STX18: variants seen among roughly 807,000 people sequenced by gnomAD.
The protein encoded by STX18 is syntaxin-18.
A neutral mutation model predicts 50.1 loss-of-function variants in STX18; 40 were observed. The observed-to-expected ratio is 0.80, with a 90% CI of 0.62 to 1.04. The LOEUF is 1.04. Among genes scored for constraint, STX18 ranks in the 50% least tolerant of loss-of-function variants. The probability of loss-of-function intolerance (pLI) is 0.00; values close to 1 mark genes in which losing one functional copy is unlikely to be tolerated. For synonymous variants in STX18, 158 were observed against 151.8 expected (o/e 1.04, Z -0.30); for missense variants, 410 against 415.8 (o/e 0.99, Z 0.12).
At chr4:4,538,921 C>T (rs1899267) in intron 1 of STX18, among the ~76,000 whole-genome samples, 16,087 of 152,130 alleles carry the variant, frequency 0.11, 1,670 homozygotes, top group African/African-American at 0.27. Flanking sequence ...CCCAAATAAT[C>T]TGAAAAGTCG....
At chr4:4,531,894 C>G (rs964830414) in intron 1 of STX18, among the ~76,000 whole-genome samples, 1 of 152,070 alleles carries the variant, frequency 6.6e-6, no homozygotes, top group African/African-American at 2.4e-5. Flanking sequence ...TTTTAAGAGG[C>G]TATGATAAAT....
chr4:4,429,318 A>G (rs1194271129), intron 7 of STX18, among the ~76,000 whole-genome samples: 2 of 152,254 alleles, frequency 1.3e-5, no homozygotes, highest in African/African-American at 4.8e-5. Context: ...AAGCCCTGCT[A>G]AAAGGTTTCT....
At chr4:4,500,236 A>G (rs919695704) in intron 1 of STX18, among the ~76,000 whole-genome samples, 2 of 152,216 alleles carry the variant, frequency 1.3e-5, no homozygotes, top group African/African-American at 4.8e-5. Flanking sequence ...TATCACTGTA[A>G]TAATATATGC....
At chr4:4,424,569 G>A (rs1194047657) in intron 8 of STX18, among the ~76,000 whole-genome samples, 2 of 152,300 alleles carry the variant, frequency 1.3e-5, no homozygotes, top group African/African-American at 4.8e-5. Context: ...AAGTCCTCAG[G>A]CTGTGTGAGT....
intron 1 of STX18, among the ~76,000 whole-genome samples, chr4:4,472,353 A>G (rs1331725094): frequency 1.3e-5 from 2 of 152,250 alleles, no homozygotes; most frequent in African/African-American, 4.8e-5. Context: ...TCACAAATAA[A>G]TAAAAAGTGG....
At chr4:4,437,514 A>C (rs1028563108) in intron 6 of STX18, 1 of 736,672 alleles carries the variant, frequency 1.4e-6, no homozygotes, top group South Asian at 6.2e-5. Flanking sequence ...ATATGCAAAA[A>C]TTTGAAAAAA....
At chr4:4,474,982 G>GT (rs1207086298) in intron 1 of STX18, among the ~76,000 whole-genome samples, 1 of 152,182 alleles carries the variant, frequency 6.6e-6, no homozygotes, top group African/African-American at 2.4e-5. Flanking sequence ...CACAACAGGT[G>GT]TTTTTTTAGA....
intron 1 of STX18, chr4:4,478,760 CTCT>C (rs1728318123): frequency 6.6e-6 from 1 of 152,342 alleles, no homozygotes; most frequent in Non-Finnish European, 1.5e-5. Flanking sequence ...CCTTTACTCA[CTCT>C]TCTTAGAGGG....
chr4:4,425,223 C>G lies in STX18; in HGVS notation c.703-1G>C. 6.2e-7 allele frequency: 1 copy of G among 1,613,936 alleles called. No homozygotes were observed. The highest frequency in any genetic ancestry group is 8.5e-7 in the Non-Finnish European group (1 of 1,179,814). The stretch of plus-strand genomic sequence containing the variant: ...TTAGTCGCTGATTTTCCTGTTCAAA[C>G]TGTGAGGAAACAGACACACTCAGGA... On this transcript the variant is annotated splice_acceptor_variant, in intron 7 of 10. Coordinates refer to ENST00000306200, the MANE Select transcript of STX18 (RefSeq NM_016930.4). LOFTEE classifies it high-confidence loss of function.
At chr4:4,442,938 CT>C (rs1483774628) in intron 5 of STX18, among the ~76,000 whole-genome samples, 1 of 152,096 alleles carries the variant, frequency 6.6e-6, no homozygotes, top group African/African-American at 2.4e-5. Flanking sequence ...CTCAATCTTC[CT>C]CATAAGAAGA....
rs184763011 is a variant in STX18, at chr4:4,510,821, C to T, written c.168+30976G>A. Among the ~76,000 whole-genome samples the T allele has an allele frequency of 1.9e-3, 285 of 152,178 alleles. 2 individuals carry two copies. The highest frequency in any genetic ancestry group is 6.3e-3 in the African/African-American group (261 of 41,496). On this transcript the variant is annotated intron_variant, in intron 1 of 10. Coordinates refer to ENST00000306200, the MANE Select transcript of STX18 (RefSeq NM_016930.4). ...ATATACACCGTGGAATACTATGCAA[C>T]CATAAAAAAGAATGAGATCACGTCC...
At chr4:4,431,612 G>T (rs1274567578) in intron 7 of STX18, among the ~76,000 whole-genome samples, 11 of 151,974 alleles carry the variant, frequency 7.2e-5, no homozygotes, top group African/African-American at 2.7e-4. Flanking sequence ...TCTCTAGCCC[G>T]AGCCCTGGAG....
chr4:4,437,799 A>G (rs953972004), intron 6 of STX18, among the ~76,000 whole-genome samples: 1 of 152,240 alleles, frequency 6.6e-6, no homozygotes, highest in Admixed American at 6.5e-5. Context: ...GGTACCAGCC[A>G]GACACACAGA....
intron 1 of STX18, among the ~76,000 whole-genome samples, chr4:4,508,540 C>T (rs1729843124): frequency 6.6e-6 from 1 of 151,964 alleles, no homozygotes; most frequent in African/African-American, 2.4e-5. Flanking sequence ...TAACAACAAA[C>T]AATTTTTTTT....
At chr4:4,515,192 A>G (rs965411143) in intron 1 of STX18, among the ~76,000 whole-genome samples, 12 of 152,228 alleles carry the variant, frequency 7.9e-5, no homozygotes, top group African/African-American at 2.9e-4. Flanking sequence ...ATAATATAAT[A>G]TACTAGGAAT....
intron 1 of STX18, among the ~76,000 whole-genome samples, chr4:4,536,773 A>T (rs1731355719): frequency 6.6e-6 from 1 of 152,222 alleles, no homozygotes; most frequent in South Asian, 2.1e-4. Flanking sequence ...AAGTAAATAA[A>T]AAACGAAGTT....
At chr4:4,542,189 C>T (rs62636563), upstream of STX18, 29 of 513,078 alleles carry the variant, frequency 5.7e-5, no homozygotes, top group Admixed American at 1.7e-4. Flanking sequence ...GCGACGCGCT[C>T]TCGGGCATCG....
intron 1 of STX18, among the ~76,000 whole-genome samples, chr4:4,508,584 C>A (rs1436468824): frequency 1.3e-5 from 2 of 152,016 alleles, no homozygotes; most frequent in South Asian, 4.2e-4. Context: ...GGGGTACATG[C>A]GCAGGATGTG....
intron 1 of STX18, among the ~76,000 whole-genome samples, chr4:4,489,651 A>T (rs1206172034): frequency 6.6e-6 from 1 of 152,120 alleles, no homozygotes. Context: ...GAATTTAAAG[A>T]AACTAGCAAA....
Sources: allele counts gnomAD v4.1 joint callset (sites outside exome capture counted in the v4.1 genomes callset), GRCh38; gene constraint gnomAD v4.1.1; transcripts MANE v1.5; gene names NCBI Gene and HGNC (gene_info 2026-07-23, HGNC 2026-07-21).